RAPGEF6: variants seen among roughly 807,000 people sequenced by gnomAD.
RAPGEF6 encodes Rap guanine nucleotide exchange factor 6.
In RAPGEF6, 56 loss-of-function variants were observed where a neutral mutation model predicts 171.4. The ratio of observed to expected loss-of-function variants is 0.33; its 90% CI spans 0.26 to 0.41. RAPGEF6 has a LOEUF of 0.41. Ranked by LOEUF, RAPGEF6 falls within the 10% of genes least tolerant of loss-of-function variation. RAPGEF6 has a pLI of 1.00. For missense variants in RAPGEF6, 1,674 were observed against 1,921.4 expected (o/e 0.87, Z 2.41); for synonymous variants, 692 against 650.1 (o/e 1.06, Z -0.98).
intron 26 of RAPGEF6, among the ~76,000 whole-genome samples, chr5:131,429,789 CACGCCTGTA>C (rs1222633066): frequency 2.0e-5 from 3 of 152,088 alleles, no homozygotes; most frequent in African/African-American, 7.2e-5. Context: ...TGCGGTGGTT[CACGCCTGTA>C]ATCCCAGCAC....
At chr5:131,549,003 G>T (rs1459472965) in intron 5 of RAPGEF6, among the ~76,000 whole-genome samples, 4 of 151,950 alleles carry the variant, frequency 2.6e-5, no homozygotes. Context: ...GTTCAAAGCT[G>T]CTGTTAGCTA....
chr5:131,510,111 G>A (rs1757623934), intron 8 of RAPGEF6, among the ~76,000 whole-genome samples: 1 of 152,148 alleles, frequency 6.6e-6, no homozygotes, highest in African/African-American at 2.4e-5. Context: ...GCAGCCCTGT[G>A]TCAATTCTGA....
intron 22 of RAPGEF6, among the ~76,000 whole-genome samples, chr5:131,443,072 G>A (rs1253415918): frequency 1.3e-5 from 2 of 152,066 alleles, no homozygotes; most frequent in Non-Finnish European, 2.9e-5. Context: ...AGCCTCCCGA[G>A]TAGCTGGGAT....
At chr5:131,631,933 G>T (rs557341765) in intron 1 of RAPGEF6, among the ~76,000 whole-genome samples, 1 of 151,988 alleles carries the variant, frequency 6.6e-6, no homozygotes, top group African/African-American at 2.4e-5. Flanking sequence ...AAAATTAGCC[G>T]GGCGTGTTGG....
At position 131,635,037 on chromosome 5, in the gene RAPGEF6, G is replaced by A. The variant is rs777365215; in HGVS notation, c.-7C>T. On this transcript the variant is annotated 5_prime_UTR_variant, in exon 1 of 28. Coordinates refer to ENST00000509018, the MANE Select transcript of RAPGEF6 (RefSeq NM_016340.6). ...GGTCCACGGGTGAGTTCATGGCCAC[G>A]GCCCGGGTACTCCGCAGCCTGCCCT... The A allele has an allele frequency of 6.2e-6, 10 of 1,603,770 alleles. No homozygotes were observed. The highest frequency in any genetic ancestry group is 7.7e-6 in the Non-Finnish European group (9 of 1,172,342).
intron 19 of RAPGEF6, among the ~76,000 whole-genome samples, chr5:131,458,828 G>A (rs1162316034): frequency 2.6e-5 from 4 of 152,002 alleles, no homozygotes; most frequent in African/African-American, 7.2e-5. Flanking sequence ...TAATTTTTTT[G>A]TATTTTTAGT....
At chr5:131,451,037 T>C (rs753060693) in intron 21 of RAPGEF6, among the ~76,000 whole-genome samples, 2 of 152,164 alleles carry the variant, frequency 1.3e-5, no homozygotes, top group South Asian at 2.1e-4. Context: ...CATAAGCCAA[T>C]AGAGAGTGTT....
Position 131,446,653 on chromosome 5 carries a change from C to A in RAPGEF6, c.3251G>T (p.Gly1084Val). 6.2e-7 allele frequency: 1 copy of A among 1,614,172 alleles called. No homozygotes were observed. Among genetic ancestry groups the A allele is most frequent in the Non-Finnish European group, 8.5e-7 (1 of 1,179,998 alleles). ...GCGGCGTGCCCTTTTTTTGTGAGCA[C>A]CTCCCTGAACATCCAGCATGTTTGA... is the stretch of plus-strand genomic sequence containing the variant. Reference protein sequence around the residue: ...TNSNMLDVQGGAHKKRARRSS... With the variant: ...TNSNMLDVQGVAHKKRARRSS... Residue 1084 changes from glycine to valine, a missense_variant, in exon 22 of 28, where the codon GGT (glycine) becomes GTT (valine). Physicochemically the swap from Gly to Val is moderately radical, Grantham distance 109. Coordinates refer to ENST00000509018, the MANE Select transcript of RAPGEF6 (RefSeq NM_016340.6).
At chr5:131,515,886 T>A (rs936849245) in intron 7 of RAPGEF6, among the ~76,000 whole-genome samples, 2 of 152,020 alleles carry the variant, frequency 1.3e-5, no homozygotes, top group Non-Finnish European at 2.9e-5. Flanking sequence ...GGTAAAAGGC[T>A]TGGAATTTAA....
intron 4 of RAPGEF6, among the ~76,000 whole-genome samples, chr5:131,589,070 A>T (rs983125965): frequency 6.9e-6 from 1 of 145,928 alleles, no homozygotes; most frequent in Non-Finnish European, 1.5e-5. Flanking sequence ...ACTCTGTCTT[A>T]AAAAAAAAAA....
chr5:131,603,034 G>C (rs1346852777), intron 3 of RAPGEF6, among the ~76,000 whole-genome samples: 2 of 152,088 alleles, frequency 1.3e-5, no homozygotes, highest in Non-Finnish European at 2.9e-5. Context: ...GAGCCTTCTG[G>C]AAAACTGGTA....
chr5:131,442,998 G>C (rs1002437530), intron 22 of RAPGEF6, among the ~76,000 whole-genome samples: 2 of 151,594 alleles, frequency 1.3e-5, no homozygotes, highest in African/African-American at 4.9e-5. Context: ...TTGTTGCCCA[G>C]GCTGGAGTGC....
At chr5:131,484,101 A>G (rs1240724721) in intron 15 of RAPGEF6, among the ~76,000 whole-genome samples, 1 of 151,230 alleles carries the variant, frequency 6.6e-6, no homozygotes, top group Non-Finnish European at 1.5e-5. Flanking sequence ...ATCTCAAAAA[A>G]AAAAAAAAAA....
intron 7 of RAPGEF6, among the ~76,000 whole-genome samples, chr5:131,514,082 C>A (rs1223763250): frequency 6.6e-6 from 1 of 152,094 alleles, no homozygotes; most frequent in Non-Finnish European, 1.5e-5. Flanking sequence ...TATACCTCTA[C>A]TTTTTACATA....
intron 4 of RAPGEF6, among the ~76,000 whole-genome samples, chr5:131,571,126 G>C (rs1345300363): frequency 2.6e-5 from 4 of 151,872 alleles, no homozygotes; most frequent in Admixed American, 1.3e-4. Context: ...ATTTTTAGTA[G>C]AGCCAGGATT....
intron 11 of RAPGEF6, among the ~76,000 whole-genome samples, chr5:131,499,234 C>T (rs888349484): frequency 6.6e-6 from 1 of 152,308 alleles, no homozygotes; most frequent in South Asian, 2.1e-4. Context: ...GTTCTACAGA[C>T]AGTTTTGAAA....
intron 15 of RAPGEF6, among the ~76,000 whole-genome samples, chr5:131,487,598 T>C (rs547352140): frequency 7.9e-5 from 12 of 152,278 alleles, no homozygotes; most frequent in Admixed American, 2.0e-4. Context: ...GCATTTACAA[T>C]CCTTTACCTA....
intron 20 of RAPGEF6, among the ~76,000 whole-genome samples, chr5:131,455,445 G>C (rs960322495): frequency 1.3e-5 from 2 of 152,120 alleles, no homozygotes; most frequent in African/African-American, 4.8e-5. Flanking sequence ...ATTTTTAGTA[G>C]AGATGGGTTT....
intron 17 of RAPGEF6, among the ~76,000 whole-genome samples, chr5:131,466,592 G>A (rs566597253): frequency 7.9e-5 from 12 of 152,254 alleles, no homozygotes; most frequent in African/African-American, 2.9e-4. Context: ...CAAGTCTCAC[G>A]AGATCTGATG....
Sources: allele counts gnomAD v4.1 joint callset (sites outside exome capture counted in the v4.1 genomes callset), GRCh38; gene constraint gnomAD v4.1.1; transcripts MANE v1.5; gene names NCBI Gene and HGNC (gene_info 2026-07-23, HGNC 2026-07-21).